RBFOX3: variants seen among roughly 807,000 people sequenced by gnomAD.
RBFOX3 encodes the protein RNA binding protein fox-1 homolog 3.
RBFOX3 carries 17 observed loss-of-function variants against 48.7 expected under a neutral mutation model. The observed-to-expected ratio is 0.35, with a 90% CI of 0.24 to 0.52. The LOEUF (loss-of-function observed/expected upper bound fraction) is 0.52, where lower values mean the gene tolerates loss of function less well. RBFOX3 is among the 20% of genes least tolerant of loss of function. The pLI, the probability that RBFOX3 is intolerant of heterozygous loss-of-function variation, is 0.94. For missense variants in RBFOX3, 382 were observed against 497.5 expected (o/e 0.77, Z 2.21); for synonymous variants, 212 against 209.5 (o/e 1.01, Z -0.10).
At chr17:79,512,571 C>G (rs1555781709) in intron 1 of RBFOX3, among the ~76,000 whole-genome samples, 1 of 149,514 alleles carries the variant, frequency 6.7e-6, no homozygotes, top group South Asian at 2.1e-4. Context: ...GGACACCCAC[C>G]CAGATACATG....
chr17:79,412,016 CAT>C (rs2064436435), intron 2 of RBFOX3, among the ~76,000 whole-genome samples: 2 of 151,726 alleles, frequency 1.3e-5, no homozygotes, highest in East Asian at 2.0e-4. Context: ...CATGTATGCA[CAT>C]GTTGTGTATA....
chr17:79,539,744 T>C (rs1445168951), intron 1 of RBFOX3, among the ~76,000 whole-genome samples: 2 of 152,244 alleles, frequency 1.3e-5, no homozygotes, highest in Non-Finnish European at 2.9e-5. Context: ...TTATAGCTCA[T>C]GCAACTGAAT....
chr17:79,368,376 CG>C (rs1328714557), intron 2 of RBFOX3, among the ~76,000 whole-genome samples: 1 of 152,216 alleles, frequency 6.6e-6, no homozygotes, highest in Admixed American at 6.5e-5. Flanking sequence ...CAGGATCCTG[CG>C]TGCTGTCCTG....
In RBFOX3 at chr17:79,198,205, C is replaced by A. The variant is rs1301893935; in HGVS notation, c.-34+37561G>T. On this transcript the variant is annotated intron_variant, in intron 4 of 14. Transcript: ENST00000693108. The surrounding 1 kb of genome is among the most constrained non-coding windows in gnomAD (Gnocchi z 8.2). Reference sequence around the variant, plus strand: ...TTGCATCGCTGGACCATCCTCAACACTGGACCAGACCAGAAGGGGAAATCA... The same window carrying A: ...TTGCATCGCTGGACCATCCTCAACAATGGACCAGACCAGAAGGGGAAATCA... Among the ~76,000 whole-genome samples, 1 of 152,316 alleles carries A rather than the reference C, an allele frequency of 6.6e-6. No individual in the cohort carries two copies. Among genetic ancestry groups the A allele is most frequent in the Middle Eastern group, 3.4e-3 (1 of 294 alleles).
intron 4 of RBFOX3, among the ~76,000 whole-genome samples, chr17:79,202,937 C>T (rs993582095): frequency 5.9e-5 from 9 of 152,168 alleles, no homozygotes; most frequent in Non-Finnish European, 8.8e-5. Context: ...AAGCCCCCAG[C>T]GCCCACAGTG....
At chr17:79,435,446 C>T (rs782744992) in intron 2 of RBFOX3, among the ~76,000 whole-genome samples, 1 of 152,222 alleles carries the variant, frequency 6.6e-6, no homozygotes, top group Non-Finnish European at 1.5e-5. Flanking sequence ...CAGGATCTGC[C>T]GCTGTGTGGC....
At chr17:79,169,417 C>G (rs1394202445) in intron 4 of RBFOX3, among the ~76,000 whole-genome samples, 4 of 152,164 alleles carry the variant, frequency 2.6e-5, no homozygotes, top group African/African-American at 7.2e-5. Context: ...CCACTGCGGG[C>G]AGGACAGGCC....
chr17:79,171,259 T>C (rs915042260), intron 4 of RBFOX3, among the ~76,000 whole-genome samples: 3 of 152,274 alleles, frequency 2.0e-5, no homozygotes, highest in African/African-American at 7.2e-5. Context: ...ACGAATTTCA[T>C]CTGCTTCCTT....
intron 4 of RBFOX3, among the ~76,000 whole-genome samples, chr17:79,182,396 C>A (rs1279410979): frequency 6.6e-6 from 1 of 152,186 alleles, no homozygotes; most frequent in Non-Finnish European, 1.5e-5. Flanking sequence ...GAAGCCCGGG[C>A]CAGGCTGGCG....
At chr17:79,439,115 C>T (rs1201333194) in intron 2 of RBFOX3, among the ~76,000 whole-genome samples, 6 of 152,220 alleles carry the variant, frequency 3.9e-5, no homozygotes, top group Non-Finnish European at 7.3e-5. Context: ...CTGAGCAGGG[C>T]CCGGCGTGAT....
chr17:79,505,341 C>G (rs1216339165), intron 1 of RBFOX3, among the ~76,000 whole-genome samples: 1 of 152,154 alleles, frequency 6.6e-6, no homozygotes, highest in African/African-American at 2.4e-5. Flanking sequence ...CAGCCTCAGT[C>G]CACGAACAAC....
intron 2 of RBFOX3, among the ~76,000 whole-genome samples, chr17:79,455,719 A>G (rs1364744672): frequency 6.6e-6 from 1 of 152,138 alleles, no homozygotes; most frequent in Non-Finnish European, 1.5e-5. Flanking sequence ...ACTCGCTCAC[A>G]GCATCAGACG....
chr17:79,504,885 C>A (rs982105292), intron 1 of RBFOX3, among the ~76,000 whole-genome samples: 1 of 152,110 alleles, frequency 6.6e-6, no homozygotes, highest in Non-Finnish European at 1.5e-5. Context: ...CAGATGCGGA[C>A]GTGCGTGAGG....
chr17:79,162,120 A>T (rs1436541137), intron 4 of RBFOX3, among the ~76,000 whole-genome samples: 1 of 152,132 alleles, frequency 6.6e-6, no homozygotes, highest in African/African-American at 2.4e-5. Context: ...GCTCCTTGTA[A>T]CCTCTGGTCC....
intron 1 of RBFOX3, among the ~76,000 whole-genome samples, chr17:79,531,351 G>A (rs896318788): frequency 8.9e-4 from 135 of 152,312 alleles, no homozygotes; most frequent in African/African-American, 3.2e-3. Context: ...CGTGTGCGGA[G>A]GAGGGCGGCC....
In RBFOX3 at chr17:79,103,522, T is replaced by C. The variant is rs1207232034; in HGVS notation, c.415-268A>G. 6.6e-6 allele frequency among the ~76,000 whole-genome samples: 1 copy of C among 151,980 alleles called. No individual in the cohort carries two copies. Among genetic ancestry groups the C allele is most frequent in the Non-Finnish European group, 1.5e-5 (1 of 67,968 alleles). ...CAGCCTGAGCTGATCACCCGGCATC[T>C]CCAAAGGGACAGGCCAAAGCCACAT... On this transcript the variant is annotated intron_variant, in intron 7 of 14. Coordinates refer to ENST00000693108, the MANE Select transcript of RBFOX3 (RefSeq NM_001350451.2). The surrounding 1 kb of genome is among the most constrained non-coding windows in gnomAD (Gnocchi z 6.1).
At chr17:79,244,342 T>C (rs1420837860) in intron 3 of RBFOX3, among the ~76,000 whole-genome samples, 1 of 152,086 alleles carries the variant, frequency 6.6e-6, no homozygotes, top group Non-Finnish European at 1.5e-5. Context: ...TGCCCAGAAC[T>C]TTCAGACAGC....
At position 79,249,915 on chromosome 17, in the gene RBFOX3, A is replaced by G. The variant is rs1039590650; in HGVS notation, c.-73-14110T>C. Among the ~76,000 whole-genome samples the G allele has an allele frequency of 6.6e-6, 1 of 152,190 alleles. No individual in the cohort carries two copies. The highest frequency in any genetic ancestry group is 1.9e-4 in the East Asian group (1 of 5,176). On this transcript the variant is annotated intron_variant, in intron 3 of 14. Coordinates refer to ENST00000693108, the MANE Select transcript of RBFOX3 (RefSeq NM_001350451.2). The surrounding 1 kb of genome is among the most constrained non-coding windows in gnomAD (Gnocchi z 4.1). ...AAATTCCAGGTATCCTTAGATCCCCACCAGCCTCACCATCCTAGCTGCACC... is the reference window on the plus strand; with the variant it reads ...AAATTCCAGGTATCCTTAGATCCCCGCCAGCCTCACCATCCTAGCTGCACC...
intron 4 of RBFOX3, among the ~76,000 whole-genome samples, chr17:79,229,230 CAAAAAAAAAAAAAAAAAAA>C (rs59934894): frequency 5.0e-4 from 17 of 33,712 alleles, no homozygotes; most frequent in South Asian, 2.1e-3. Flanking sequence ...GAGACTCTGT[CAAAAAAAAAAAAAAAAAAA>C]AAAAAAAAAA....
Sources: gnomAD v4.1 joint callset for allele counts (sites outside exome capture counted in the v4.1 genomes callset) on GRCh38, gnomAD v4.1.1 for gene constraint, Gnocchi (gnomAD v3.1) non-coding constraint, MANE v1.5 for transcripts, NCBI Gene and HGNC (gene_info 2026-07-23, HGNC 2026-07-21) for gene names.